Variants in SLC22A7 observed in about 807,000 individuals in gnomAD.
SLC22A7 encodes solute carrier family 22 member 7, also known as hOAT2.
SLC22A7 carries 48 observed loss-of-function variants against 62.2 expected under a neutral mutation model. That is an observed-to-expected ratio of 0.77 (90% confidence interval 0.61 to 0.98). SLC22A7 has a LOEUF of 0.98. Among genes scored for constraint, SLC22A7 ranks in the 50% least tolerant of loss-of-function variants. The pLI is 0.00. For missense variants in SLC22A7, 581 were observed against 703.8 expected, an observed-to-expected ratio of 0.83 and a Z score of 1.97; for synonymous variants, 276 against 314.8, an observed-to-expected ratio of 0.88 and a Z score of 1.30.
At chr6:43,300,623 A>G (rs1778706298) in intron 5 of SLC22A7, among the ~76,000 whole-genome samples, 1 of 152,074 alleles carries the variant, frequency 6.6e-6, no homozygotes, top group African/African-American at 2.4e-5. Flanking sequence ...AAGTGTGGGA[A>G]GAGGTGTTTT....
rs1229741276 is a variant in SLC22A7 at position 43,302,699 on chromosome 6, T to C, written c.1321T>C (p.Phe441Leu). Reference sequence around the variant, plus strand: ...TGTCCTGGCAGTGATGGGGAAAGCTTTTTCTGAAGCTGCCTTCACCACTGC... The same window carrying C: ...TGTCCTGGCAGTGATGGGGAAAGCTCTTTCTGAAGCTGCCTTCACCACTGC... ...STVLAVMGKA[F>L]SEAAFTTAYL... Residue 441 changes from phenylalanine to leucine, a missense_variant, in exon 9 of 11, where the codon TTT (phenylalanine) becomes CTT (leucine). Phe to Leu is a conservative substitution (Grantham distance 22, BLOSUM62 0). Coordinates refer to ENST00000372585, the MANE Select transcript of SLC22A7 (RefSeq NM_153320.2). This position sits in a 1 kb window ranked among gnomAD's most constrained non-coding sequence, Gnocchi z 5.0. 6.2e-7 allele frequency: 1 copy of C among 1,609,370 alleles called. No individual in the cohort carries two copies. The highest frequency in any genetic ancestry group is 8.5e-7 in the Non-Finnish European group (1 of 1,177,452).
At chr6:43,300,365 G>T (rs554942909) in intron 5 of SLC22A7, among the ~76,000 whole-genome samples, 42 of 152,298 alleles carry the variant, frequency 2.8e-4, no homozygotes, top group African/African-American at 9.6e-4. Context: ...GGGCCAGCAT[G>T]GGGGTGGGGA....
upstream of SLC22A7, chr6:43,295,759 A>C (rs1397117135): frequency 6.6e-6 from 1 of 152,210 alleles, no homozygotes; most frequent in African/African-American, 2.4e-5. Flanking sequence ...GTCCAGCTCC[A>C]TCATCAGCCA....
In SLC22A7 at chr6:43,304,782, A is replaced by G; in HGVS notation, c.*57A>G. On this transcript the variant is annotated 3_prime_UTR_variant, in exon 11 of 11. Coordinates refer to ENST00000372585, the MANE Select transcript of SLC22A7 (RefSeq NM_153320.2). ...TCTGCAGCAGGGGCTGGGAGAGCAG[A>G]AGGGCAGGCCCTGCAACTCAGGCTG... 2.9e-6 allele frequency: 4 copies of G among 1,393,622 alleles called. No individual in the cohort carries two copies. The highest frequency in any genetic ancestry group is 3.9e-6 in the Non-Finnish European group (4 of 1,026,178). The allele number at this position is 1,393,622 out of a possible 1,614,324, so 86.3% of individuals were successfully genotyped here.
upstream of SLC22A7, among the ~76,000 whole-genome samples, chr6:43,296,379 G>A (rs1415318167): frequency 1.3e-5 from 2 of 152,260 alleles, no homozygotes; most frequent in African/African-American, 4.8e-5. Flanking sequence ...TTCTCTGGCT[G>A]TGAAAAAACT....
intron 5 of SLC22A7, among the ~76,000 whole-genome samples, chr6:43,300,885 G>A (rs1018019705): frequency 2.6e-5 from 4 of 152,114 alleles, no homozygotes; most frequent in Admixed American, 6.5e-5. Flanking sequence ...CCACCCTCCC[G>A]CCTTGACCTC....
Position 43,299,638 on chromosome 6 carries a change from G to A in SLC22A7, c.515G>A (p.Arg172Gln), listed in dbSNP as rs201473236. 5.8e-5 allele frequency: 93 copies of A among 1,614,016 alleles called. No homozygotes were observed. The highest frequency in any genetic ancestry group is 5.5e-5 in the South Asian group (5 of 91,090). ...TGACCCCTTTGCAGGTTTGGGCGGCGGCGTCTGCTGCTGGTAGCCTACGTG... is the reference window on the plus strand; with the variant it reads ...TGACCCCTTTGCAGGTTTGGGCGGCAGCGTCTGCTGCTGGTAGCCTACGTG... ...FGYLSDRFGR[R>Q]RLLLVAYVST... is the part of the protein sequence containing the mutation. The change falls in exon 4 of 11, where the codon CGG (arginine) becomes CAG (glutamine). Residue 172 changes from arginine to glutamine, a missense_variant. Arg to Gln is a conservative substitution (Grantham distance 43). Coordinates refer to ENST00000372585, the MANE Select transcript of SLC22A7 (RefSeq NM_153320.2). The surrounding 1 kb of genome is among the most constrained non-coding windows in gnomAD (Gnocchi z 4.4).
Position 43,304,227 on chromosome 6 carries a change from G to A in SLC22A7, c.1575G>A (p.Gln525=). Residue 525 remains glutamine, a synonymous_variant, in exon 10 of 11, where the codon CAG becomes CAA. Coordinates refer to ENST00000372585, the MANE Select transcript of SLC22A7 (RefSeq NM_153320.2). Reference sequence around the variant, plus strand: ...AGGCACAGCTGCCAGAGACCATCCAGGACGTGGAGAGAAAGAGGTGTGTGC... The same window carrying A: ...AGGCACAGCTGCCAGAGACCATCCAAGACGTGGAGAGAAAGAGGTGTGTGC... ...TRQAQLPETI[Q]DVERKSAPTS... The A allele has an allele frequency of 6.4e-7, 1 of 1,568,236 alleles. No individual in the cohort carries two copies. The highest frequency in any genetic ancestry group is 1.2e-5 in the South Asian group (1 of 85,558).
Position 43,299,468 on chromosome 6 carries a change from G to A in SLC22A7, c.478G>A (p.Val160Met). The change falls in exon 3 of 11, where the codon GTG becomes ATG. Residue 160 changes from valine (V) to methionine (M), a missense_variant. Val to Met is a conservative substitution (Grantham distance 21). Coordinates refer to ENST00000372585, the MANE Select transcript of SLC22A7 (RefSeq NM_153320.2). The surrounding 1 kb of genome is among the most constrained non-coding windows in gnomAD (Gnocchi z 4.4). ...CTTCGCCGGTGTGCTGGTGGGGGCTGTGGCCTTTGGATATCTGTCCGACAG... is the reference window on the plus strand; with the variant it reads ...CTTCGCCGGTGTGCTGGTGGGGGCTATGGCCTTTGGATATCTGTCCGACAG... ...FFFAGVLVGA[V>M]AFGYLSDRFG... 2 of 1,613,336 alleles carry A rather than the reference G, an allele frequency of 1.2e-6. No individual in the cohort carries two copies. The highest frequency in any genetic ancestry group is 2.2e-5 in the South Asian group (2 of 91,018).
chr6:43,302,179 T>TG lies in SLC22A7; in HGVS notation c.1062-19dup. On this transcript the variant is annotated intron_variant, in intron 7 of 10. Transcript: ENST00000372585. The surrounding 1 kb of genome is among the most constrained non-coding windows in gnomAD (Gnocchi z 5.0). ...GGGATGGGAAGGAGGGTCCGCCAAG[T>TG]GGCACTGAGACTCCTTTCAGGTTCG... 1 of 1,544,094 alleles carries TG rather than the reference T, an allele frequency of 6.5e-7. No individual in the cohort carries two copies. The highest frequency in any genetic ancestry group is 1.2e-5 in the South Asian group (1 of 80,982).
rs761286427 is a variant in SLC22A7, at chr6:43,299,983, A to T, written c.744A>T (p.Ala248=). ...GGACAGGGGGCGTGATGCTGCTGGC[A>T]CTGGTTGGGTACCTGATACGGGACT... The part of the protein sequence containing the change: ...TFWTGGVMLL[A]LVGYLIRDWR... The change falls in exon 5 of 11, where the codon GCA becomes GCT. Residue 248 remains alanine (A), a synonymous_variant. Coordinates refer to ENST00000372585, the MANE Select transcript of SLC22A7 (RefSeq NM_153320.2). This position sits in a 1 kb window ranked among gnomAD's most constrained non-coding sequence, Gnocchi z 4.4. The T allele has an allele frequency of 6.2e-7, 1 of 1,613,994 alleles. No individual in the cohort carries two copies. The highest frequency in any genetic ancestry group is 1.3e-5 in the African/African-American group (1 of 74,894).
intron 9 of SLC22A7, chr6:43,303,231 C>G: frequency 1.1e-6 from 1 of 878,166 alleles, no homozygotes; most frequent in Non-Finnish European, 1.4e-6. Context: ...AAGGCCAAGG[C>G]GGGCGGATCA....
At chr6:43,300,433 T>C (rs535865486) in intron 5 of SLC22A7, among the ~76,000 whole-genome samples, 146 of 152,130 alleles carry the variant, frequency 9.6e-4, no homozygotes, top group Non-Finnish European at 1.7e-3. Flanking sequence ...CTCCTAAAGA[T>C]GACTTGGCCT....
chr6:43,300,093 G>A (rs70953680), intron 5 of SLC22A7, 27 bp downstream of exon 5: 149,970 of 1,609,638 alleles, frequency 0.093, 7,662 homozygotes, highest in Admixed American at 0.11. Context: ...GCTGGGGAGC[G>A]GGAGATACAG....
chr6:43,299,539 T>A lies in SLC22A7; in HGVS notation c.503+46T>A. ...AATAAGAAACTGGCTGGGGGAACTTTCTCCCACTAGCTGGGGTATGAGCCT... is the reference window on the plus strand; with the variant it reads ...AATAAGAAACTGGCTGGGGGAACTTACTCCCACTAGCTGGGGTATGAGCCT... On this transcript the variant is annotated intron_variant, in intron 3 of 10. Coordinates refer to ENST00000372585, the MANE Select transcript of SLC22A7 (RefSeq NM_153320.2). This position sits in a 1 kb window ranked among gnomAD's most constrained non-coding sequence, Gnocchi z 4.4. The A allele has an allele frequency of 6.2e-7, 1 of 1,605,952 alleles. No homozygotes were observed. Among genetic ancestry groups the A allele is most frequent in the Non-Finnish European group, 8.5e-7 (1 of 1,174,542 alleles).
At position 43,299,632 on chromosome 6, in the gene SLC22A7, G is replaced by A; in HGVS notation, c.509G>A (p.Gly170Glu). 1 of 1,614,164 alleles carries A rather than the reference G, an allele frequency of 6.2e-7. No homozygotes were observed. Among genetic ancestry groups the A allele is most frequent in the Non-Finnish European group, 8.5e-7 (1 of 1,180,020 alleles). ...VAFGYLSDRF[G>E]RRRLLLVAYV... Reference sequence around the variant, plus strand: ...CCTGCATGACCCCTTTGCAGGTTTGGGCGGCGGCGTCTGCTGCTGGTAGCC... The same window carrying A: ...CCTGCATGACCCCTTTGCAGGTTTGAGCGGCGGCGTCTGCTGCTGGTAGCC... The change falls in exon 4 of 11, where the codon GGG (glycine) becomes GAG (glutamate). Residue 170 changes from glycine (G) to glutamate (E), a missense_variant. By Grantham distance (98) the Gly-to-Glu change is moderately conservative. Coordinates refer to ENST00000372585, the MANE Select transcript of SLC22A7 (RefSeq NM_153320.2). This position sits in a 1 kb window ranked among gnomAD's most constrained non-coding sequence, Gnocchi z 4.4.
intron 5 of SLC22A7, chr6:43,300,322 G>T: frequency 1.8e-6 from 1 of 542,838 alleles, no homozygotes; most frequent in Non-Finnish European, 3.3e-6. Flanking sequence ...CATAAATTGA[G>T]GCTGGCCCCT....
At chr6:43,298,782 G>A in intron 1 of SLC22A7, 31 bp downstream of exon 1, 1 of 1,516,812 alleles carries the variant, frequency 6.6e-7, no homozygotes, top group Non-Finnish European at 8.8e-7. Context: ...AGAGACATGT[G>A]AGAGGGATGG....
In SLC22A7 at chr6:43,299,873, C is replaced by T. The variant is rs770801544; in HGVS notation, c.659-25C>T. The T allele has an allele frequency of 5.0e-6, 8 of 1,614,124 alleles. 1 individual carries two copies. In the African/African-American group the frequency reaches 1.1e-4, roughly 22 times the overall value. ...AGCCCATCTGGTCCTCACTAACCAT[C>T]TTCCTGTCTCCTGTCCTGGCCCAGA... On this transcript the variant is annotated intron_variant, in intron 4 of 10. Coordinates refer to ENST00000372585, the MANE Select transcript of SLC22A7 (RefSeq NM_153320.2). The surrounding 1 kb of genome is among the most constrained non-coding windows in gnomAD (Gnocchi z 4.4).
Sources: gnomAD v4.1 joint callset for allele counts (sites outside exome capture counted in the v4.1 genomes callset) on GRCh38, gnomAD v4.1.1 for gene constraint, Gnocchi (gnomAD v3.1) non-coding constraint, MANE v1.5 for transcripts, NCBI Gene and HGNC (gene_info 2026-07-23, HGNC 2026-07-21) for gene names.